Variants in CHN2 observed in about 807,000 individuals in gnomAD.
CHN2 encodes chimerin 2, also known as beta-chimaerin.
In CHN2, 35 loss-of-function variants were observed where a neutral mutation model predicts 56.3. The ratio of observed to expected loss-of-function variants is 0.62; its 90% CI spans 0.47 to 0.82. The LOEUF (loss-of-function observed/expected upper bound fraction) is 0.82, where lower values mean the gene tolerates loss of function less well. Ranked by LOEUF, CHN2 falls within the 40% of genes least tolerant of loss-of-function variation. The pLI, the probability that CHN2 is intolerant of heterozygous loss-of-function variation, is 0.00. For synonymous variants in CHN2, 210 were observed against 212.8 expected (o/e 0.99, Z 0.12); for missense variants, 491 against 580.5 (o/e 0.85, Z 1.58).
At chr7:29,163,015 A>G (rs1795396365) in intron 2 of CHN2, among the ~76,000 whole-genome samples, 1 of 152,246 alleles carries the variant, frequency 6.6e-6, no homozygotes, top group African/African-American at 2.4e-5. Context: ...AATTGTACCA[A>G]TCAATATCCT....
chr7:29,385,163 A>G (rs927944074), intron 3 of CHN2, among the ~76,000 whole-genome samples: 2 of 152,186 alleles, frequency 1.3e-5, no homozygotes, highest in African/African-American at 4.8e-5. Flanking sequence ...TTTTCTTAAA[A>G]GCTACCTTTA....
At chr7:29,173,846 G>A (rs954640946) in intron 2 of CHN2, among the ~76,000 whole-genome samples, 5 of 151,780 alleles carry the variant, frequency 3.3e-5, no homozygotes, top group African/African-American at 1.2e-4. Context: ...ATCTTACTTG[G>A]GGGGCTGAGG....
chr7:29,435,296 T>A (rs1041098901), intron 6 of CHN2, among the ~76,000 whole-genome samples: 8 of 152,194 alleles, frequency 5.3e-5, no homozygotes, highest in African/African-American at 1.9e-4. Flanking sequence ...AGCTTCTGCA[T>A]CACCTGGGGG....
chr7:29,481,017 C>T (rs1469321153), intron 7 of CHN2, among the ~76,000 whole-genome samples: 1 of 152,194 alleles, frequency 6.6e-6, no homozygotes, highest in Admixed American at 6.5e-5. Flanking sequence ...CCGCTATGTT[C>T]GTTTCAGACT....
At chr7:29,192,977 A>C (rs540471207), upstream of CHN2, 39 of 152,362 alleles carry the variant, frequency 2.6e-4, no homozygotes, top group African/African-American at 9.4e-4. Context: ...TCAACAAGCC[A>C]AGTGTGTGAT....
At chr7:29,322,473 TCTCCTCCTCCTCTTCCTA>T in intron 1 of CHN2, among the ~76,000 whole-genome samples, 1 of 152,136 alleles carries the variant, frequency 6.6e-6, no homozygotes, top group African/African-American at 2.4e-5. Flanking sequence ...AACTTCTCTT[TCTCCTCCTCCTCTTCCTA>T]CTCCTCCTCC....
chr7:29,407,562 A>G (rs1448592881), intron 6 of CHN2, among the ~76,000 whole-genome samples: 1 of 152,184 alleles, frequency 6.6e-6, no homozygotes, highest in Non-Finnish European at 1.5e-5. Context: ...AATAACATGT[A>G]ACTGACATAC....
chr7:29,193,851 A>T (rs190186788), upstream of CHN2: 1 of 152,208 alleles, frequency 6.6e-6, no homozygotes, highest in Admixed American at 6.5e-5. Flanking sequence ...GCCTGATGAC[A>T]CGTTTGGACG....
At chr7:29,452,762 A>G (rs1784493883) in intron 6 of CHN2, among the ~76,000 whole-genome samples, 1 of 152,210 alleles carries the variant, frequency 6.6e-6, no homozygotes, top group African/African-American at 2.4e-5. Context: ...AGCATGAAAC[A>G]TTTTATAGGA....
chr7:29,331,257 T>C (rs577239254), intron 1 of CHN2, among the ~76,000 whole-genome samples: 1 of 152,340 alleles, frequency 6.6e-6, no homozygotes, highest in East Asian at 1.9e-4. Flanking sequence ...GGAGGGTCTG[T>C]TGACAGAGGT....
rs1375765399 is a variant in CHN2 at position 29,512,545 on chromosome 7, CTA to C, written c.1236-15_1236-14del. On this transcript the variant is annotated splice_polypyrimidine_tract_variant and intron_variant, in intron 12 of 12. Transcript: ENST00000222792. Reference sequence around the variant, plus strand: ...CTCAAGTCTCCATAATGTCTCTGTTCTATATGTTTGTTTTGCAGGGTTACTAT... The same window carrying C: ...CTCAAGTCTCCATAATGTCTCTGTTCTATGTTTGTTTTGCAGGGTTACTAT... 15 of 1,603,264 alleles carry C rather than the reference CTA, an allele frequency of 9.4e-6. No homozygotes were observed. Among genetic ancestry groups the C allele is most frequent in the African/African-American group, 1.3e-5 (1 of 74,346 alleles).
chr7:29,513,113 C>A lies in CHN2; in HGVS notation c.*378C>A. 6.1e-6 allele frequency: 1 copy of A among 163,334 alleles called. No individual in the cohort carries two copies. Among genetic ancestry groups the A allele is most frequent in the Non-Finnish European group, 1.3e-5 (1 of 75,156 alleles). The allele number at this position is 163,334 out of a possible 1,614,324, so 10.1% of individuals were successfully genotyped here. On this transcript the variant is annotated 3_prime_UTR_variant, in exon 13 of 13. Coordinates refer to ENST00000222792, the MANE Select transcript of CHN2 (RefSeq NM_004067.4). Reference sequence around the variant, plus strand: ...GATACAGTTATACATTTTCCACTTACAAAAAGAAGACAATTCTGTTAAATG... The same window carrying A: ...GATACAGTTATACATTTTCCACTTAAAAAAAGAAGACAATTCTGTTAAATG...
At chr7:29,274,815 C>T (rs1375422706) in intron 1 of CHN2, among the ~76,000 whole-genome samples, 1 of 152,188 alleles carries the variant, frequency 6.6e-6, no homozygotes, top group Non-Finnish European at 1.5e-5. Flanking sequence ...GGAAAACTAC[C>T]TGCATCAGTG....
chr7:29,356,265 C>T (rs1175669914), intron 2 of CHN2, among the ~76,000 whole-genome samples: 1 of 151,760 alleles, frequency 6.6e-6, no homozygotes, highest in East Asian at 1.9e-4. Context: ...TGCATGTATA[C>T]ACACACACAT....
chr7:29,379,974 A>G (rs956252728), intron 3 of CHN2, among the ~76,000 whole-genome samples: 12 of 152,236 alleles, frequency 7.9e-5, no homozygotes, highest in Non-Finnish European at 1.5e-4. Context: ...TTGTAAAAAA[A>G]AAATTAATAG....
chr7:29,508,283 G>T (rs570020525), intron 11 of CHN2, among the ~76,000 whole-genome samples: 1 of 151,998 alleles, frequency 6.6e-6, no homozygotes, highest in Admixed American at 6.5e-5. Flanking sequence ...GGGCAGGTCT[G>T]GGGGAAGGGG....
chr7:29,506,241 C>T (rs1446406475), intron 10 of CHN2, among the ~76,000 whole-genome samples: 1 of 152,112 alleles, frequency 6.6e-6, no homozygotes, highest in Non-Finnish European at 1.5e-5. Flanking sequence ...CAGGTCAAAA[C>T]TTCTGTGCTG....
At chr7:29,493,885 T>C (rs1788934371) in intron 7 of CHN2, among the ~76,000 whole-genome samples, 1 of 152,224 alleles carries the variant, frequency 6.6e-6, no homozygotes, top group South Asian at 2.1e-4. Context: ...AAAAAATCTA[T>C]GTGAAGTCCT....
At chr7:29,214,629 C>T (rs985190318) in intron 1 of CHN2, among the ~76,000 whole-genome samples, 46 of 152,246 alleles carry the variant, frequency 3.0e-4, no homozygotes, top group African/African-American at 1.0e-3. Flanking sequence ...ATAGGGGCTA[C>T]GTTACTGAAA....
Sources: gnomAD v4.1 joint callset for allele counts (sites outside exome capture counted in the v4.1 genomes callset) on GRCh38, gnomAD v4.1.1 for gene constraint, MANE v1.5 for transcripts, NCBI Gene and HGNC (gene_info 2026-07-23, HGNC 2026-07-21) for gene names.